Variants in SOSTDC1 observed in about 807,000 individuals in gnomAD.
SOSTDC1 encodes the protein sclerostin domain containing 1, also known as sclerostin domain-containing protein 1.
SOSTDC1 carries 7 observed loss-of-function variants against 15.1 expected under a neutral mutation model. The ratio of observed to expected loss-of-function variants is 0.46; its 90% CI spans 0.26 to 0.87. SOSTDC1 has a LOEUF of 0.87. SOSTDC1 is among the 40% of genes least tolerant of loss of function. The pLI is 0.15. For missense variants in SOSTDC1, 242 were observed against 259.2 expected (o/e 0.93, Z 0.46); for synonymous variants, 94 against 93.2 (o/e 1.01, Z -0.05).
intron 1 of SOSTDC1, chr7:16,464,286 T>G: frequency 6.7e-7 from 1 of 1,485,080 alleles, no homozygotes; most frequent in Non-Finnish European, 9.2e-7. Flanking sequence ...GACAGTGTGC[T>G]CAGCGTGCCT....
rs1009593490 is a variant in SOSTDC1, at chr7:16,461,719, A to G, written c.*829T>C. The G allele has an allele frequency of 2.0e-5, 3 of 152,686 alleles. No individual in the cohort carries two copies. The highest frequency in any genetic ancestry group is 7.2e-5 in the African/African-American group (3 of 41,478). The allele number at this position is 152,686 out of a possible 1,614,324, so 9.5% of individuals were successfully genotyped here. A position where few individuals can be genotyped will look rare whatever the true frequency, so the allele number is the denominator to read the frequency against. On this transcript the variant is annotated 3_prime_UTR_variant, in exon 2 of 2. Coordinates refer to ENST00000307068, the MANE Select transcript of SOSTDC1 (RefSeq NM_015464.3). ...AGTTCACCATGAACATATATGTAATAAGGAGACTAAAATATTCATTTTACA... is the reference window on the plus strand; with the variant it reads ...AGTTCACCATGAACATATATGTAATGAGGAGACTAAAATATTCATTTTACA...
rs1400140341 is a variant in SOSTDC1 at position 16,461,524 on chromosome 7, A to G, written c.*1024T>C. On this transcript the variant is annotated 3_prime_UTR_variant, in exon 2 of 2. Transcript: ENST00000307068. ...TCTACAATTTTTGCACCCTTTATACATGTTAGAGGCAACAACAATAACTTT... is the reference window on the plus strand; with the variant it reads ...TCTACAATTTTTGCACCCTTTATACGTGTTAGAGGCAACAACAATAACTTT... The G allele has an allele frequency of 6.6e-6, 1 of 152,208 alleles. No homozygotes were observed. The highest frequency in any genetic ancestry group is 1.5e-5 in the Non-Finnish European group (1 of 68,006). 9.4% of individuals were successfully genotyped at this position (152,208 alleles called of 1,614,324 possible). A position where few individuals can be genotyped will look rare whatever the true frequency, so the allele number is the denominator to read the frequency against.
At position 16,462,456 on chromosome 7, in the gene SOSTDC1, G is replaced by T; in HGVS notation, c.*92C>A. 7.4e-7 allele frequency: 1 copy of T among 1,344,554 alleles called. No individual in the cohort carries two copies. Among genetic ancestry groups the T allele is most frequent in the Non-Finnish European group, 1.0e-6 (1 of 957,520 alleles). 83.3% of individuals were successfully genotyped at this position (1,344,554 alleles called of 1,614,324 possible). A position where few individuals can be genotyped will look rare whatever the true frequency, so the allele number is the denominator to read the frequency against. The stretch of plus-strand genomic sequence containing the variant: ...AAGCAGAAAGCATATACTTTCAAGT[G>T]AGAAAACAGCAGTGGCAGGCTTGAG... On this transcript the variant is annotated 3_prime_UTR_variant, in exon 2 of 2. Transcript: ENST00000307068.
chr7:16,464,652 T>TCTCTC (rs1781273479), intron 1 of SOSTDC1, among the ~76,000 whole-genome samples: 17 of 150,336 alleles, frequency 1.1e-4, no homozygotes, highest in African/African-American at 3.7e-4. Flanking sequence ...TGCGCAGTGT[T>TCTCTC]TCTCTCTCTC....
At chr7:16,463,614 A>G (rs1205634586) in intron 1 of SOSTDC1, among the ~76,000 whole-genome samples, 1 of 152,188 alleles carries the variant, frequency 6.6e-6, no homozygotes, top group Non-Finnish European at 1.5e-5. Context: ...AAACAGTAAC[A>G]TGTTTGAAAT....
rs1254428001 is a variant in SOSTDC1 at position 16,462,212 on chromosome 7, G to A, written c.*336C>T. On this transcript the variant is annotated 3_prime_UTR_variant, in exon 2 of 2. Transcript: ENST00000307068. ...GAGGGGATGGGCCAGTAGATGGAGG[G>A]TATCTGAGAAGCCCTTTTCTGTTTT... The A allele has an allele frequency of 4.9e-6, 1 of 206,126 alleles. No individual in the cohort carries two copies. Among genetic ancestry groups the A allele is most frequent in the East Asian group, 1.2e-4 (1 of 8,588 alleles). The allele number at this position is 206,126 out of a possible 1,614,324, so 12.8% of individuals were successfully genotyped here. A position where few individuals can be genotyped will look rare whatever the true frequency, so the allele number is the denominator to read the frequency against.
Position 16,465,574 on chromosome 7 carries a change from A to G in SOSTDC1, c.95T>C (p.Leu32Pro). Residue 32 changes from leucine (L) to proline (P), a missense_variant, in exon 1 of 2, where the codon CTT (leucine) becomes CCT (proline). Transcript: ENST00000307068. ...AACAGGTTTAACCACATGTGAATAA[A>G]GGATTTCTGTGGCATCATTTTTAAA... ...LAFKNDATEI[L>P]YSHVVKPVPA... 2.5e-6 allele frequency: 4 copies of G among 1,614,180 alleles called. No individual in the cohort carries two copies. The highest frequency in any genetic ancestry group is 3.4e-6 in the Non-Finnish European group (4 of 1,180,006).
At chr7:16,464,279 A>G (rs890492676) in intron 1 of SOSTDC1, 2 of 1,426,228 alleles carry the variant, frequency 1.4e-6, no homozygotes, top group Non-Finnish European at 9.7e-7. Flanking sequence ...TTGGTTGGAC[A>G]GTGTGCTCAG....
At chr7:16,463,029 T>A in intron 1 of SOSTDC1, 66 bp from the exon 2 acceptor site, 5 of 1,453,026 alleles carry the variant, frequency 3.4e-6, no homozygotes, top group Non-Finnish European at 4.6e-6. Context: ...TAAAAAGTGA[T>A]CTGCAATGAC....
At chr7:16,463,412 CT>C (rs996694488) in intron 1 of SOSTDC1, among the ~76,000 whole-genome samples, 4 of 151,916 alleles carry the variant, frequency 2.6e-5, no homozygotes, top group African/African-American at 9.7e-5. Flanking sequence ...TTTTAAAAAT[CT>C]GTTGAGAAAA....
intron 1 of SOSTDC1, among the ~76,000 whole-genome samples, chr7:16,464,613 G>A (rs1285616751): frequency 1.3e-5 from 2 of 151,748 alleles, no homozygotes; most frequent in East Asian, 3.9e-4. Flanking sequence ...AGTGAAGAAG[G>A]AGAGGCAAAA....
intron 1 of SOSTDC1, 138 bp downstream of exon 1, chr7:16,465,326 C>T (rs1162458401): frequency 1.4e-6 from 1 of 717,522 alleles, no homozygotes. Context: ...CCAACCTGCA[C>T]ATGCAGCAGA....
intron 1 of SOSTDC1, among the ~76,000 whole-genome samples, chr7:16,463,540 T>G (rs1262456553): frequency 6.6e-6 from 1 of 152,218 alleles, no homozygotes; most frequent in African/African-American, 2.4e-5. Context: ...ATCTGACATT[T>G]TGCATATCAA....
intron 1 of SOSTDC1, chr7:16,464,425 T>C (rs1283770737): frequency 2.8e-6 from 4 of 1,425,120 alleles, no homozygotes; most frequent in Admixed American, 2.0e-5. Context: ...GCAGTGACAG[T>C]TCATTGACAA....
At position 16,462,740 on chromosome 7, in the gene SOSTDC1, G is replaced by T; in HGVS notation, c.429C>A (p.Ile143=). ...CVNDKTRTQR[I]QLQCQDGSTR... ...TGCTGCCATCTTGGCACTGCAGCTG[G>T]ATTCTCTGGGTACGGGTTTTGTCAT... The change falls in exon 2 of 2, where the codon ATC becomes ATA. Residue 143 remains isoleucine (I), a synonymous_variant. Transcript: ENST00000307068. 6.2e-7 allele frequency: 1 copy of T among 1,614,156 alleles called. No individual in the cohort carries two copies. The highest frequency in any genetic ancestry group is 8.5e-7 in the Non-Finnish European group (1 of 1,180,030).
Position 16,462,918 on chromosome 7 carries a change from A to G in SOSTDC1, c.251T>C (p.Ile84Thr). ...GATGCTGGTGCACTGGCCATCAGAGATGTATTTGGTGGAACGCAGTTCCCG... is the reference window on the plus strand; with the variant it reads ...GATGCTGGTGCACTGGCCATCAGAGGTGTATTTGGTGGAACGCAGTTCCCG... ...GCRELRSTKY[I>T]SDGQCTSISP... The change falls in exon 2 of 2, where the codon ATC becomes ACC. Residue 84 changes from isoleucine to threonine, a missense_variant. Coordinates refer to ENST00000307068, the MANE Select transcript of SOSTDC1 (RefSeq NM_015464.3). The G allele has an allele frequency of 6.2e-7, 1 of 1,605,252 alleles. No homozygotes were observed. The highest frequency in any genetic ancestry group is 8.5e-7 in the Non-Finnish European group (1 of 1,173,610).
At position 16,462,689 on chromosome 7, in the gene SOSTDC1, G is replaced by A. The variant is rs767159898; in HGVS notation, c.480C>T (p.Val160=). The change falls in exon 2 of 2, where the codon GTC becomes GTT. Residue 160 remains valine, a synonymous_variant. Coordinates refer to ENST00000307068, the MANE Select transcript of SOSTDC1 (RefSeq NM_015464.3). ...GSTRTYKITV[V]TACKCKRYTR... ...TGTACCTCTTGCACTTGCAGGCAGT[G>A]ACTACTGTGATTTTGTAGGTGCGTG... 6.2e-7 allele frequency: 1 copy of A among 1,614,194 alleles called. No individual in the cohort carries two copies. The highest frequency in any genetic ancestry group is 1.1e-5 in the South Asian group (1 of 91,090).
At chr7:16,464,428 A>G in intron 1 of SOSTDC1, 1 of 1,384,516 alleles carries the variant, frequency 7.2e-7, no homozygotes. Context: ...GTGACAGTTC[A>G]TTGACAACGA....
At position 16,462,606 on chromosome 7, in the gene SOSTDC1, A is replaced by G. The variant is rs751139001; in HGVS notation, c.563T>C (p.Val188Ala). The change falls in exon 2 of 2, where the codon GTC becomes GCC. Residue 188 changes from valine to alanine, a missense_variant. Val to Ala is a moderately conservative substitution (Grantham distance 64). Transcript: ENST00000307068. ...TCTTTTCCGCTCTCTGTGATGCTGG[A>G]CTGGCTTGGCAGGTGACATGCTCTC... ...NFESMSPAKP[V>A]QHHRERKRAS... 6 of 1,613,958 alleles carry G rather than the reference A, an allele frequency of 3.7e-6. No homozygotes were observed. In the East Asian group the frequency reaches 1.3e-4, roughly 36 times the overall value.
Sources: gnomAD v4.1 joint callset for allele counts (sites outside exome capture counted in the v4.1 genomes callset) on GRCh38, gnomAD v4.1.1 for gene constraint, MANE v1.5 for transcripts, NCBI Gene and HGNC (gene_info 2026-07-23, HGNC 2026-07-21) for gene names.